RASL12: variants seen among roughly 807,000 people sequenced by gnomAD.
RASL12 encodes the protein ras-like protein family member 12.
In RASL12, 16 loss-of-function variants were observed where a neutral mutation model predicts 22.9. The ratio of observed to expected loss-of-function variants is 0.70; its 90% confidence interval spans 0.47 to 1.06. The LOEUF (loss-of-function observed/expected upper bound fraction) is 1.06. Among genes scored for constraint, RASL12 ranks in the 50% least tolerant of loss-of-function variants. The probability of loss-of-function intolerance (pLI) is 0.00; values close to 1 mark genes in which losing one functional copy is unlikely to be tolerated. For synonymous variants in RASL12, 159 were observed against 152.2 expected (o/e 1.04, Z -0.33); for missense variants, 306 against 353.1 (o/e 0.87, Z 1.07).
Position 65,065,837 on chromosome 15 carries a change from G to A in RASL12, c.104-564C>T, listed in dbSNP as rs116064741. Among the ~76,000 whole-genome samples the A allele has an allele frequency of 7.6e-3, 1,158 of 152,170 alleles. 17 individuals carry two copies. The highest frequency in any genetic ancestry group is 0.027 in the African/African-American group (1,100 of 41,490). The stretch of plus-strand genomic sequence containing the variant: ...CACTCTGGTCCTGGTCTCCCACATC[G>A]CAAGTCTTGGCTTTCTCTGGGGCCT... On this transcript the variant is annotated intron_variant, in intron 1 of 4. Transcript: ENST00000220062.
downstream of RASL12, chr15:65,049,912 C>T (rs944511685): frequency 6.2e-5 from 56 of 908,786 alleles, no homozygotes. Context: ...TTCACGGCTT[C>T]TCTGCCCAGG....
chr15:65,076,339 A>G (rs144150654), intron 1 of RASL12, among the ~76,000 whole-genome samples: 1 of 152,210 alleles, frequency 6.6e-6, no homozygotes, highest in Non-Finnish European at 1.5e-5. Flanking sequence ...CGAGACCACA[A>G]GCCCACTGGG....
chr15:65,054,906 A>AT lies in RASL12; in HGVS notation c.793dup (p.Ile265AsnfsTer11). Reference sequence around the variant, plus strand: ...CTTCCTGGGGAGGGGGCCTCAGAAGATCTTGAAGCCCTTCAGGAGAGTCAG... The same window carrying AT: ...CTTCCTGGGGAGGGGGCCTCAGAAGATTCTTGAAGCCCTTCAGGAGAGTCAG... On this transcript the variant is annotated frameshift_variant, in exon 5 of 5. Transcript: ENST00000220062. LOFTEE classifies it high-confidence loss of function. The AT allele has an allele frequency of 6.2e-7, 1 of 1,609,090 alleles. No homozygotes were observed. The highest frequency in any genetic ancestry group is 8.5e-7 in the Non-Finnish European group (1 of 1,176,322).
chr15:65,061,306 C>T (rs2086801224), intron 2 of RASL12, among the ~76,000 whole-genome samples: 1 of 152,232 alleles, frequency 6.6e-6, no homozygotes, highest in South Asian at 2.1e-4. Flanking sequence ...ACCCCCTCAC[C>T]CCGTGACTGC....
chr15:65,057,015 A>C (rs1194743336), intron 4 of RASL12, among the ~76,000 whole-genome samples: 1 of 152,204 alleles, frequency 6.6e-6, no homozygotes, highest in Non-Finnish European at 1.5e-5. Context: ...CTGACCCCTA[A>C]GAGGGTCTGC....
At chr15:65,057,565 A>G (rs769846528) in intron 4 of RASL12, among the ~76,000 whole-genome samples, 1 of 152,168 alleles carries the variant, frequency 6.6e-6, no homozygotes, top group East Asian at 1.9e-4. Context: ...TGGCTGCAGT[A>G]TTCTTCAGTA....
chr15:65,059,197 G>C, intron 3 of RASL12, 148 bp downstream of exon 3: 1 of 662,756 alleles, frequency 1.5e-6, no homozygotes. Context: ...CAGACCCAGA[G>C]AGGTCAAGTG....
chr15:65,059,494 C>T (rs1295706680), intron 2 of RASL12, 76 bp from the exon 3 acceptor site: 15 of 1,171,198 alleles, frequency 1.3e-5, no homozygotes, highest in Non-Finnish European at 1.8e-5. Flanking sequence ...TGCTAGACCC[C>T]TGTGTGGCCT....
chr15:65,067,405 G>A (rs965072924), intron 1 of RASL12, among the ~76,000 whole-genome samples: 10 of 152,150 alleles, frequency 6.6e-5, no homozygotes, highest in Admixed American at 2.0e-4. Flanking sequence ...AGACCGACCA[G>A]TAAAGGACTC....
rs2086686783 is a variant in RASL12 at position 65,053,559 on chromosome 15, T to G, written c.*1340A>C. On this transcript the variant is annotated 3_prime_UTR_variant, in exon 5 of 5. Transcript: ENST00000220062. Reference sequence around the variant, plus strand: ...CCCCCCTCTGACCTCAGCTCCTCCATTTACAGAATGAGTCCGAAGACTGGG... The same window carrying G: ...CCCCCCTCTGACCTCAGCTCCTCCAGTTACAGAATGAGTCCGAAGACTGGG... 16 of 1,010,812 alleles carry G rather than the reference T, an allele frequency of 1.6e-5. No individual in the cohort carries two copies. The highest frequency in any genetic ancestry group is 1.9e-5 in the Non-Finnish European group (16 of 846,172). 62.6% of individuals were successfully genotyped at this position (1,010,812 alleles called of 1,614,324 possible). A position where few individuals can be genotyped will look rare whatever the true frequency, so the allele number is the denominator to read the frequency against.
At chr15:65,062,888 G>A (rs779544060) in intron 2 of RASL12, among the ~76,000 whole-genome samples, 2 of 152,244 alleles carry the variant, frequency 1.3e-5, no homozygotes, top group Admixed American at 6.5e-5. Flanking sequence ...GAACCTTCGA[G>A]GAGTGGCACT....
intron 1 of RASL12, among the ~76,000 whole-genome samples, chr15:65,065,936 A>G (rs918156573): frequency 1.4e-4 from 21 of 152,152 alleles, no homozygotes; most frequent in Admixed American, 6.5e-5. Context: ...GAGTGTAGCC[A>G]TATAAAGCAA....
At chr15:65,056,855 A>G (rs2086738498) in intron 4 of RASL12, among the ~76,000 whole-genome samples, 1 of 152,204 alleles carries the variant, frequency 6.6e-6, no homozygotes, top group Admixed American at 6.5e-5. Flanking sequence ...TTTTTAGGGA[A>G]CGGGTGGGAT....
intron 2 of RASL12, among the ~76,000 whole-genome samples, chr15:65,061,942 C>T (rs908274170): frequency 1.3e-5 from 2 of 151,300 alleles, no homozygotes; most frequent in East Asian, 1.9e-4. Context: ...ACCAGCTACT[C>T]GGGTGGCAGG....
rs2086700038 is a variant in RASL12, at chr15:65,054,522, C to A, written c.*377G>T. On this transcript the variant is annotated 3_prime_UTR_variant, in exon 5 of 5. Coordinates refer to ENST00000220062, the MANE Select transcript of RASL12 (RefSeq NM_016563.4). Reference sequence around the variant, plus strand: ...TTCTCGGGCCTGACATTGACAGAGCCATCCACCCAGACCATCCACTAAGGC... The same window carrying A: ...TTCTCGGGCCTGACATTGACAGAGCAATCCACCCAGACCATCCACTAAGGC... 1.9e-6 allele frequency: 2 copies of A among 1,027,522 alleles called. No homozygotes were observed. The highest frequency in any genetic ancestry group is 8.7e-5 in the South Asian group (2 of 23,050). The allele number at this position is 1,027,522 out of a possible 1,614,324, so 63.7% of individuals were successfully genotyped here. A position where few individuals can be genotyped will look rare whatever the true frequency, so the allele number is the denominator to read the frequency against.
At chr15:65,046,544 G>A in the RASL12 span, among the ~76,000 whole-genome samples, 2 of 152,202 alleles carry the variant, frequency 1.3e-5, no homozygotes, top group Non-Finnish European at 2.9e-5. Flanking sequence ...TCTCGGTTCT[G>A]GATTTGTATC....
Position 65,053,383 on chromosome 15 carries a change from G to C in RASL12, c.*1516C>G. The stretch of plus-strand genomic sequence containing the variant: ...TTTATTAAAATGCTCCTGGAAGGGA[G>C]CAGGTGGTATTGCATAGTTTGTTCA... On this transcript the variant is annotated 3_prime_UTR_variant, in exon 5 of 5. Transcript: ENST00000220062. The C allele has an allele frequency of 7.3e-7, 1 of 1,375,578 alleles. No individual in the cohort carries two copies. The highest frequency in any genetic ancestry group is 9.4e-7 in the Non-Finnish European group (1 of 1,068,490). The allele number at this position is 1,375,578 out of a possible 1,614,324, so 85.2% of individuals were successfully genotyped here. A position where few individuals can be genotyped will look rare whatever the true frequency, so the allele number is the denominator to read the frequency against.
upstream of RASL12, chr15:65,068,312 C>T (rs1211102221): frequency 3.0e-6 from 3 of 984,854 alleles, no homozygotes; most frequent in Non-Finnish European, 2.4e-6. The surrounding 1 kb of genome is among the most constrained non-coding windows in gnomAD (Gnocchi z 4.2). Flanking sequence ...AGAAAATCCA[C>T]CCCTCCCTTT....
At chr15:65,062,063 C>CA (rs547999122) in intron 2 of RASL12, among the ~76,000 whole-genome samples, 3,614 of 77,314 alleles carry the variant, frequency 0.047, 111 homozygotes, top group African/African-American at 0.12. Context: ...CCTGGGTGAC[C>CA]AAAAAAAAAA....
Sources: allele counts gnomAD v4.1 joint callset (sites outside exome capture counted in the v4.1 genomes callset), GRCh38; gene constraint gnomAD v4.1.1; non-coding constraint Gnocchi (gnomAD v3.1); transcripts MANE v1.5; gene names NCBI Gene and HGNC (gene_info 2026-07-23, HGNC 2026-07-21).